The following MRTFA variants were observed in gnomAD, a reference collection of about 807,000 sequenced individuals.
The protein encoded by MRTFA is myocardin related transcription factor A.
A neutral mutation model predicts 83.5 loss-of-function variants in MRTFA; 20 were observed. The observed-to-expected ratio is 0.24, with a 90% CI of 0.17 to 0.35. MRTFA has a LOEUF of 0.35. Ranked by LOEUF, MRTFA falls within the 10% of genes least tolerant of loss-of-function variation. The pLI is 1.00. For missense variants in MRTFA, 1,200 were observed against 1,224.7 expected, an observed-to-expected ratio of 0.98 and a Z score of 0.30; for synonymous variants, 659 against 541.2, an observed-to-expected ratio of 1.22 and a Z score of -3.02.
In MRTFA at chr22:40,418,749, C is replaced by G; in HGVS notation, c.1989G>C (p.Gln663His). 6.7e-7 allele frequency: 1 copy of G among 1,501,044 alleles called. No individual in the cohort carries two copies. The highest frequency in any genetic ancestry group is 8.9e-7 in the Non-Finnish European group (1 of 1,128,828). The allele number at this position is 1,501,044 out of a possible 1,614,324, so 93.0% of individuals were successfully genotyped here. A position where few individuals can be genotyped will look rare whatever the true frequency, so the allele number is the denominator to read the frequency against. Residue 663 changes from glutamine to histidine, a missense_variant, in exon 12 of 15, where the codon CAG (glutamine) becomes CAC (histidine). This residue lies in a region of MRTFA where 1,107 missense variants were observed against 1,041.8 expected (regional missense o/e 1.06). Coordinates refer to ENST00000355630, the MANE Select transcript of MRTFA (RefSeq NM_020831.6). ...CGAGGGGGGCGGGGGCGGGGGCGGG[C>G]TGCTGGGCTCGCTTCTCCTGCTCCA...
intron 1 of MRTFA, among the ~76,000 whole-genome samples, chr22:40,623,852 C>T (rs1037315682): frequency 9.2e-5 from 14 of 152,282 alleles, no homozygotes; most frequent in African/African-American, 3.1e-4. Context: ...TGGTGGTTCA[C>T]GTCTGTAATC....
At chr22:40,625,890 A>C (rs1300643314) in intron 1 of MRTFA, among the ~76,000 whole-genome samples, 1 of 152,168 alleles carries the variant, frequency 6.6e-6, no homozygotes, top group Non-Finnish European at 1.5e-5. Flanking sequence ...CTGGAGTGCA[A>C]ATTTAAAGAG....
At chr22:40,444,769 T>A (rs75766763) in intron 4 of MRTFA, among the ~76,000 whole-genome samples, 3,356 of 146,604 alleles carry the variant, frequency 0.023, 114 homozygotes, top group African/African-American at 0.077. Flanking sequence ...TTTTATGTTT[T>A]AAAAAAAAAA....
intron 2 of MRTFA, among the ~76,000 whole-genome samples, chr22:40,591,229 A>G (rs1322106472): frequency 1.3e-5 from 2 of 152,012 alleles, no homozygotes; most frequent in Non-Finnish European, 2.9e-5. Context: ...GCATTATAAA[A>G]TAACAACTTT....
At chr22:40,464,441 A>G (rs1307013387) in intron 3 of MRTFA, among the ~76,000 whole-genome samples, 3 of 151,540 alleles carry the variant, frequency 2.0e-5, no homozygotes, top group African/African-American at 7.3e-5. Flanking sequence ...GAGAAACTGC[A>G]GAGGTTGCAG....
chr22:40,444,862 G>C lies in MRTFA; in HGVS notation c.308-9308C>G, dbSNP rs184293598. The stretch of plus-strand genomic sequence containing the variant: ...GCCAGTGGATCACTTGAGGCCAGGA[G>C]TTTGGCACCAGCTTGGGCAATGTGG... On this transcript the variant is annotated intron_variant, in intron 4 of 14. Transcript: ENST00000355630. 6.2e-4 allele frequency among the ~76,000 whole-genome samples: 94 copies of C among 152,306 alleles called. 1 individual carries two copies. The highest frequency in any genetic ancestry group is 1.9e-4 in the Non-Finnish European group (13 of 68,020).
intron 2 of MRTFA, among the ~76,000 whole-genome samples, chr22:40,592,474 T>G: frequency 6.7e-6 from 1 of 149,952 alleles, no homozygotes; most frequent in South Asian, 2.1e-4. Flanking sequence ...AAAAAAAATC[T>G]GTGGACATTT....
At chr22:40,599,254 G>A (rs373265297) in intron 1 of MRTFA, among the ~76,000 whole-genome samples, 11 of 150,342 alleles carry the variant, frequency 7.3e-5, no homozygotes, top group African/African-American at 2.7e-4. Context: ...GCCGAGATCG[G>A]GCCATTGCAC....
chr22:40,585,953 G>C (rs994950588), intron 2 of MRTFA, among the ~76,000 whole-genome samples: 1 of 152,156 alleles, frequency 6.6e-6, no homozygotes, highest in Non-Finnish European at 1.5e-5. Flanking sequence ...GAATAAAATA[G>C]AAACGAGCAG....
chr22:40,586,987 C>A, intron 2 of MRTFA: 1 of 458,354 alleles, frequency 2.2e-6, no homozygotes, highest in Non-Finnish European at 4.4e-6. Flanking sequence ...TGGTTGCTGG[C>A]CTGGCAAAGC....
intron 2 of MRTFA, among the ~76,000 whole-genome samples, chr22:40,557,021 G>C (rs1338772677): frequency 1.3e-5 from 2 of 152,194 alleles, no homozygotes; most frequent in African/African-American, 2.4e-5. Context: ...ATTATGGATT[G>C]TAAGAGTTCA....
Position 40,606,171 on chromosome 22 carries a change from T to C in MRTFA, c.-83-11436A>G, listed in dbSNP as rs951186842. Among the ~76,000 whole-genome samples the C allele has an allele frequency of 1.2e-4, 18 of 150,880 alleles. 1 individual carries two copies. Among genetic ancestry groups the C allele is most frequent in the African/African-American group, 4.1e-4 (17 of 41,152 alleles). On this transcript the variant is annotated intron_variant, in intron 1 of 14. Transcript: ENST00000355630. ...TAAAGCAAACTCATTTAATTCTCTC[T>C]GAAAAAAAAAAAATTCTCATTCCAA...
rs1004032030 is a variant in MRTFA at position 40,416,547 on chromosome 22, C to T, written c.2578+439G>A. Among the ~76,000 whole-genome samples, 13 of 152,220 alleles carry T rather than the reference C, an allele frequency of 8.5e-5. No homozygotes were observed. Among genetic ancestry groups the T allele is most frequent in the African/African-American group, 2.4e-4 (10 of 41,460 alleles). ...TCCACTCCAACCCGCCAGGTACTCC[C>T]GAGGCCGCACAGATGCACACAGCTG... On this transcript the variant is annotated intron_variant, in intron 14 of 14. Coordinates refer to ENST00000355630, the MANE Select transcript of MRTFA (RefSeq NM_020831.6). This position sits in a 1 kb window ranked among gnomAD's most constrained non-coding sequence, Gnocchi z 4.2.
At position 40,420,541 on chromosome 22, in the gene MRTFA, G is replaced by T. The variant is rs144872390; in HGVS notation, c.1217C>A (p.Pro406His). The T allele has an allele frequency of 2.1e-4, 340 of 1,613,656 alleles. 1 individual carries two copies. The African/African-American group carries it at 4.2e-3, about 20-fold the overall frequency. ...GGTAGTGGAGAGGCTGCGTACTGGG[G>T]GGGTCCCGCTGCTTCCCAGGGCCTC... is the stretch of plus-strand genomic sequence containing the variant. Residue 406 changes from proline (P) to histidine (H), a missense_variant, in exon 11 of 15, where the codon CCC (proline) becomes CAC (histidine). Pro to His is a moderately conservative substitution (Grantham distance 77). Transcript: ENST00000355630.
At chr22:40,472,758 G>A (rs942935165) in intron 3 of MRTFA, among the ~76,000 whole-genome samples, 2 of 152,114 alleles carry the variant, frequency 1.3e-5, no homozygotes, top group Non-Finnish European at 2.9e-5. Flanking sequence ...AGCTTCCATG[G>A]TGTCTTGGCA....
chr22:40,435,409 T>C (rs778491491), intron 5 of MRTFA, 90 bp downstream of exon 5: 6 of 1,406,888 alleles, frequency 4.3e-6, no homozygotes, highest in Non-Finnish European at 6.0e-6. Flanking sequence ...CAGAGTTCTA[T>C]GGAAAGCTCT....
chr22:40,468,304 A>C (rs1370713536), intron 3 of MRTFA, among the ~76,000 whole-genome samples: 1 of 152,208 alleles, frequency 6.6e-6, no homozygotes, highest in East Asian at 1.9e-4. Flanking sequence ...ATTTCACTGG[A>C]AAGGAAACAT....
Position 40,420,542 on chromosome 22 carries a change from G to A in MRTFA, c.1216C>T (p.Pro406Ser). ...GTAGTGGAGAGGCTGCGTACTGGGGGGGTCCCGCTGCTTCCCAGGGCCTCG... is the reference window on the plus strand; with the variant it reads ...GTAGTGGAGAGGCTGCGTACTGGGGAGGTCCCGCTGCTTCCCAGGGCCTCG... The change falls in exon 11 of 15, where the codon CCC becomes TCC. Residue 406 changes from proline (P) to serine (S), a missense_variant. By Grantham distance (74) the Pro-to-Ser change is moderately conservative (BLOSUM62 -1). Around this residue, in one of 2 missense-constraint regions of MRTFA, gnomAD observed 1,107 missense variants for 1,041.8 expected, o/e 1.06. Transcript: ENST00000355630. 3.1e-6 allele frequency: 5 copies of A among 1,613,628 alleles called. No individual in the cohort carries two copies. The highest frequency in any genetic ancestry group is 3.4e-6 in the Non-Finnish European group (4 of 1,180,018).
At chr22:40,445,496 A>T (rs1418428614) in intron 4 of MRTFA, among the ~76,000 whole-genome samples, 2 of 152,112 alleles carry the variant, frequency 1.3e-5, no homozygotes, top group African/African-American at 4.8e-5. Context: ...GTTCTTTTAT[A>T]GCTGTTTAGA....
Sources: allele counts gnomAD v4.1 joint callset (sites outside exome capture counted in the v4.1 genomes callset), GRCh38; gene constraint gnomAD v4.1.1; regional missense constraint gnomAD v4.1.1; non-coding constraint Gnocchi (gnomAD v3.1); transcripts MANE v1.5; gene names NCBI Gene and HGNC (gene_info 2026-07-23, HGNC 2026-07-21).